Variants in GRIK2 observed in about 807,000 individuals in gnomAD.
GRIK2 encodes the protein glutamate receptor ionotropic, kainate 2.
A neutral mutation model predicts 100.3 loss-of-function variants in GRIK2; 32 were observed. The observed-to-expected ratio is 0.32, with a 90% CI of 0.24 to 0.43. The LOEUF (loss-of-function observed/expected upper bound fraction) is 0.43. Ranked by LOEUF, GRIK2 falls within the 20% of genes least tolerant of loss-of-function variation. The pLI is 1.00. For missense variants in GRIK2, 843 were observed against 1,114.9 expected (o/e 0.76, Z 3.47); for synonymous variants, 417 against 389.4 (o/e 1.07, Z -0.83).
chr6:101,403,124 T>G (rs1562112708), intron 2 of GRIK2, among the ~76,000 whole-genome samples: 1 of 152,344 alleles, frequency 6.6e-6, no homozygotes, highest in South Asian at 2.1e-4. Flanking sequence ...TTAAGCATCC[T>G]TTTTAAGAAA....
At chr6:101,612,004 A>G (rs139420166) in intron 2 of GRIK2, among the ~76,000 whole-genome samples, 18 of 152,008 alleles carry the variant, frequency 1.2e-4, no homozygotes, top group African/African-American at 4.1e-4. Flanking sequence ...AAAGTTATTG[A>G]GAAAATAGCC....
chr6:102,015,076 G>A (rs1795762252), intron 14 of GRIK2, among the ~76,000 whole-genome samples: 1 of 152,074 alleles, frequency 6.6e-6, no homozygotes, highest in Non-Finnish European at 1.5e-5. Flanking sequence ...GGGAATCTAA[G>A]TCTCTTTGAA....
chr6:101,988,319 C>T (rs1252482513), intron 14 of GRIK2, among the ~76,000 whole-genome samples: 3 of 151,742 alleles, frequency 2.0e-5, no homozygotes, highest in African/African-American at 4.8e-5. Flanking sequence ...TTTGAAATGA[C>T]TTCTTGTATG....
intron 14 of GRIK2, among the ~76,000 whole-genome samples, chr6:101,953,525 A>C (rs965998875): frequency 6.6e-6 from 1 of 152,190 alleles, no homozygotes; most frequent in Admixed American, 6.5e-5. Context: ...GTGGTTGAGC[A>C]TCTTTTATGT....
chr6:101,642,324 A>G (rs891302674), intron 4 of GRIK2, among the ~76,000 whole-genome samples: 2 of 151,840 alleles, frequency 1.3e-5, no homozygotes, highest in African/African-American at 4.8e-5. Context: ...TTCACATTGT[A>G]GTGCAACCAA....
Position 101,608,036 on chromosome 6 carries a change from A to G in GRIK2, c.116-13913A>G, listed in dbSNP as rs546884074. On this transcript the variant is annotated intron_variant, in intron 2 of 16. Coordinates refer to ENST00000369134, the MANE Select transcript of GRIK2 (RefSeq NM_021956.5). ...CATTTTAAAAGATTATTTTAAAATT[A>G]TTTAAAAATTTAAAGTTACTTAAAA... Among the ~76,000 whole-genome samples the G allele has an allele frequency of 1.2e-4, 15 of 129,878 alleles. No individual in the cohort carries two copies. The South Asian group carries it at 1.5e-3, about 13-fold the overall frequency. The allele number at this position is 129,878 out of a possible 152,430, so 85.2% of individuals were successfully genotyped here. A position where few individuals can be genotyped will look rare whatever the true frequency, so the allele number is the denominator to read the frequency against.
chr6:101,765,239 T>A (rs1777970914), intron 7 of GRIK2, among the ~76,000 whole-genome samples: 2 of 152,196 alleles, frequency 1.3e-5, no homozygotes, highest in Non-Finnish European at 2.9e-5. Context: ...TAATTTGTAC[T>A]GCATCTTCAA....
chr6:101,562,986 G>A (rs974156586), intron 2 of GRIK2, among the ~76,000 whole-genome samples: 8 of 152,266 alleles, frequency 5.3e-5, no homozygotes, highest in Admixed American at 5.2e-4. Flanking sequence ...TTGCAATGGG[G>A]CTGTACCTTC....
chr6:101,988,959 T>A (rs551452969), intron 14 of GRIK2, among the ~76,000 whole-genome samples: 1 of 152,026 alleles, frequency 6.6e-6, no homozygotes, highest in Non-Finnish European at 1.5e-5. Flanking sequence ...ATAATCATTG[T>A]GTGATTGAGA....
At chr6:101,636,194 C>T (rs1308177952) in intron 4 of GRIK2, among the ~76,000 whole-genome samples, 1 of 152,114 alleles carries the variant, frequency 6.6e-6, no homozygotes, top group Non-Finnish European at 1.5e-5. Context: ...AGTTCATGTC[C>T]TTTGCAGGGT....
chr6:101,770,484 T>C (rs1778331838), intron 7 of GRIK2, among the ~76,000 whole-genome samples: 1 of 152,198 alleles, frequency 6.6e-6, no homozygotes, highest in Non-Finnish European at 1.5e-5. Context: ...AAAATTGTTG[T>C]TGTAATGAAA....
intron 9 of GRIK2, among the ~76,000 whole-genome samples, chr6:101,804,565 T>C (rs1433626107): frequency 1.3e-5 from 2 of 151,984 alleles, no homozygotes; most frequent in African/African-American, 4.8e-5. Context: ...ATTTGGACTA[T>C]GTTTTTAAGG....
chr6:102,036,437 G>A (rs1294239820), intron 15 of GRIK2, among the ~76,000 whole-genome samples: 2 of 151,248 alleles, frequency 1.3e-5, no homozygotes, highest in Admixed American at 6.6e-5. Flanking sequence ...TTGCAGATGC[G>A]ATTAAGTTAA....
chr6:101,991,601 T>G (rs1318406617), intron 14 of GRIK2, among the ~76,000 whole-genome samples: 1 of 151,260 alleles, frequency 6.6e-6, no homozygotes, highest in Non-Finnish European at 1.5e-5. Context: ...ATTCAGAAAA[T>G]TATAGCCAAT....
chr6:101,706,067 A>G (rs760972299), intron 7 of GRIK2, among the ~76,000 whole-genome samples: 20 of 151,978 alleles, frequency 1.3e-4, no homozygotes, highest in Admixed American at 7.2e-4. Context: ...ACTCAGCTAC[A>G]AATCAGTGAA....
At chr6:101,525,190 G>A (rs1775088216) in intron 2 of GRIK2, among the ~76,000 whole-genome samples, 1 of 152,172 alleles carries the variant, frequency 6.6e-6, no homozygotes, top group Non-Finnish European at 1.5e-5. Flanking sequence ...AGAAGCTTAT[G>A]CAAACATACA....
At chr6:101,937,820 T>C (rs537411444) in intron 14 of GRIK2, among the ~76,000 whole-genome samples, 1 of 152,186 alleles carries the variant, frequency 6.6e-6, no homozygotes, top group African/African-American at 2.4e-5. Flanking sequence ...AGCAAAGACA[T>C]ATTGTTCTCA....
At chr6:101,947,220 T>G (rs1221124461) in intron 14 of GRIK2, among the ~76,000 whole-genome samples, 1 of 152,160 alleles carries the variant, frequency 6.6e-6, no homozygotes, top group Non-Finnish European at 1.5e-5. Flanking sequence ...TGAAGTAATT[T>G]TTAATACTAA....
chr6:101,656,535 T>C (rs1394809626), intron 4 of GRIK2, among the ~76,000 whole-genome samples: 2 of 152,208 alleles, frequency 1.3e-5, no homozygotes, highest in Non-Finnish European at 2.9e-5. Context: ...ATTCAACCTT[T>C]ACCACAAATT....
Sources: gnomAD v4.1 joint callset for allele counts (sites outside exome capture counted in the v4.1 genomes callset) on GRCh38, gnomAD v4.1.1 for gene constraint, MANE v1.5 for transcripts, NCBI Gene and HGNC (gene_info 2026-07-23, HGNC 2026-07-21) for gene names.